ZNF821: variants seen among roughly 807,000 people sequenced by gnomAD.
ZNF821 encodes zinc finger protein 821.
ZNF821 carries 16 observed loss-of-function variants against 44.3 expected under a neutral mutation model. The observed-to-expected ratio is 0.36, with a 90% CI of 0.24 to 0.55. ZNF821 has a LOEUF of 0.55. ZNF821 is among the 20% of genes least tolerant of loss of function. The probability of loss-of-function intolerance (pLI) is 0.86; values close to 1 mark genes in which losing one functional copy is unlikely to be tolerated. For missense variants in ZNF821, 436 were observed against 547.6 expected (o/e 0.80, Z 2.03); for synonymous variants, 204 against 197.6 (o/e 1.03, Z -0.27).
Position 71,883,623 on chromosome 16 carries a change from CGCCGGGGCCCGA to C in ZNF821, c.-141+273_-141+284del, listed in dbSNP as rs1285986232. The C allele has an allele frequency of 1.2e-4, 18 of 152,424 alleles. 1 individual carries two copies. The highest frequency in any genetic ancestry group is 1.2e-3 in the Admixed American group (18 of 15,266). 9.4% of individuals were successfully genotyped at this position (152,424 alleles called of 1,614,324 possible). A position where few individuals can be genotyped will look rare whatever the true frequency, so the allele number is the denominator to read the frequency against. On this transcript the variant is annotated intron_variant, in intron 1 of 7. Transcript: ENST00000425432. ...GGCTGTCAGACGCCGGGGCCGTCCC[CGCCGGGGCCCGA>C]GGAGGCGGGGTGCCCGCGGCCCGCG... is the stretch of plus-strand genomic sequence containing the variant.
intron 1 of ZNF821, among the ~76,000 whole-genome samples, chr16:71,891,233 T>G (rs202181139): frequency 6.6e-6 from 1 of 152,236 alleles, no homozygotes; most frequent in Non-Finnish European, 1.5e-5. Flanking sequence ...CTACTAGTTA[T>G]AGTCATTTAC....
chr16:71,874,996 T>C lies in ZNF821; in HGVS notation c.40+4911A>G, dbSNP rs574703036. Among the ~76,000 whole-genome samples the C allele has an allele frequency of 3.9e-5, 6 of 152,348 alleles. No homozygotes were observed. In the South Asian group the frequency reaches 8.3e-4, roughly 21 times the overall value. ...CTAGCAAATCTCAGTTTTTCTTTTTTAGTCAAGCTTAGTGTATCACCTGAG... is the reference window on the plus strand; with the variant it reads ...CTAGCAAATCTCAGTTTTTCTTTTTCAGTCAAGCTTAGTGTATCACCTGAG... On this transcript the variant is annotated intron_variant, in intron 3 of 7. Coordinates refer to ENST00000425432, the MANE Select transcript of ZNF821 (RefSeq NM_001201552.2).
rs560349213 is a variant in ZNF821 at position 71,867,415 on chromosome 16, A to C, written c.166+497T>G. ...AAAAATATATATATCGGCCAGGTGCAGTGGCTCACGCCTATAATCCCAGCA... is the reference window on the plus strand; with the variant it reads ...AAAAATATATATATCGGCCAGGTGCCGTGGCTCACGCCTATAATCCCAGCA... On this transcript the variant is annotated intron_variant, in intron 4 of 7. Transcript: ENST00000425432. 8.0e-4 allele frequency among the ~76,000 whole-genome samples: 122 copies of C among 152,312 alleles called. 1 individual carries two copies. Among genetic ancestry groups the C allele is most frequent in the African/African-American group, 2.9e-3 (119 of 41,574 alleles).
At chr16:71,869,169 A>G (rs1204768934) in intron 3 of ZNF821, among the ~76,000 whole-genome samples, 2 of 152,220 alleles carry the variant, frequency 1.3e-5, no homozygotes, top group African/African-American at 4.8e-5. Context: ...AGTAGAAACT[A>G]CAGTCCTCAT....
chr16:71,880,663 T>C (rs114251484), intron 2 of ZNF821, among the ~76,000 whole-genome samples: 94 of 152,338 alleles, frequency 6.2e-4, no homozygotes, highest in African/African-American at 2.2e-3. Context: ...ATGTTGAAGA[T>C]GGGCTCTCAC....
chr16:71,860,116 T>G lies in ZNF821; in HGVS notation c.1141A>C (p.Met381Leu), dbSNP rs1454687901. The G allele has an allele frequency of 1.1e-5, 18 of 1,614,092 alleles. No individual in the cohort carries two copies. The highest frequency in any genetic ancestry group is 1.5e-5 in the Non-Finnish European group (18 of 1,180,044). ...PSAMAALAAE[M>L]NFFQLPVSGV... ...CTTACAGGCAGCTGGAAGAAGTTCA[T>G]TTCAGCTGCTAAGGCTGCCATGGCA... The change falls in exon 8 of 8, where the codon ATG (methionine) becomes CTG (leucine). Residue 381 changes from methionine (M) to leucine (L), a missense_variant. Coordinates refer to ENST00000425432, the MANE Select transcript of ZNF821 (RefSeq NM_001201552.2). The surrounding 1 kb of genome is among the most constrained non-coding windows in gnomAD (Gnocchi z 7.3).
chr16:71,860,228 G>A lies in ZNF821; in HGVS notation c.1029C>T (p.Leu343=), dbSNP rs756653004. 1.2e-6 allele frequency: 2 copies of A among 1,614,092 alleles called. No individual in the cohort carries two copies. Among genetic ancestry groups the A allele is most frequent in the Non-Finnish European group, 1.7e-6 (2 of 1,180,044 alleles). The change falls in exon 8 of 8, where the codon CTC becomes CTT. Residue 343 remains leucine, a synonymous_variant. Coordinates refer to ENST00000425432, the MANE Select transcript of ZNF821 (RefSeq NM_001201552.2). This position sits in a 1 kb window ranked among gnomAD's most constrained non-coding sequence, Gnocchi z 7.3. ...NETPEKRQAR[L]IREREAKRLK... is the part of the protein sequence containing the mutation. ...GCCGCTTGGCCTCTCGCTCTCGGAT[G>A]AGCCGGGCCTGCCGCTTTTCCGGGG...
At chr16:71,872,603 A>T (rs974582272) in intron 3 of ZNF821, among the ~76,000 whole-genome samples, 2 of 152,036 alleles carry the variant, frequency 1.3e-5, no homozygotes, top group African/African-American at 4.8e-5. Context: ...ACAGAGCGAG[A>T]CTCCGTCTCA....
At chr16:71,873,700 C>G (rs1420677116) in intron 3 of ZNF821, among the ~76,000 whole-genome samples, 2 of 152,124 alleles carry the variant, frequency 1.3e-5, no homozygotes, top group African/African-American at 2.4e-5. Flanking sequence ...GTCACCCAGG[C>G]TGGAGTGCAG....
intron 6 of ZNF821, among the ~76,000 whole-genome samples, chr16:71,863,421 T>TTA (rs1555500247): frequency 0.12 from 17,331 of 144,336 alleles, 1,482 homozygotes; most frequent in South Asian, 0.37. Flanking sequence ...TTTTTTTTTT[T>TTA]AATACAGTCT....
In ZNF821 at chr16:71,879,067, T is replaced by A. The variant is rs868368415; in HGVS notation, c.40+840A>T. ...AAATTGCTTCATAGTACCAAAACGCTGTATTCTAAATGTCACTCCCCTCTC... is the reference window on the plus strand; with the variant it reads ...AAATTGCTTCATAGTACCAAAACGCAGTATTCTAAATGTCACTCCCCTCTC... On this transcript the variant is annotated intron_variant, in intron 3 of 7. Coordinates refer to ENST00000425432, the MANE Select transcript of ZNF821 (RefSeq NM_001201552.2). Among the ~76,000 whole-genome samples the A allele has an allele frequency of 2.1e-4, 32 of 152,320 alleles. No individual in the cohort carries two copies. The Middle Eastern group carries it at 0.01, about 49-fold the overall frequency.
intron 6 of ZNF821, among the ~76,000 whole-genome samples, chr16:71,863,146 T>C (rs542956702): frequency 6.6e-6 from 1 of 152,290 alleles, no homozygotes; most frequent in East Asian, 1.9e-4. Context: ...TCCGCCCACC[T>C]TGGCCTCCCA....
intron 6 of ZNF821, among the ~76,000 whole-genome samples, chr16:71,862,492 A>AC (rs2034014781): frequency 6.6e-6 from 1 of 152,076 alleles, no homozygotes; most frequent in African/African-American, 2.4e-5. Context: ...AAACAAAACA[A>AC]AACAACAACA....
At chr16:71,864,564 GTGACACCT>G (rs1455712901) in intron 5 of ZNF821, among the ~76,000 whole-genome samples, 1 of 152,238 alleles carries the variant, frequency 6.6e-6, no homozygotes, top group East Asian at 1.9e-4. Context: ...GGCACTCCAG[GTGACACCT>G]TGACTTAGAT....
chr16:71,882,677 A>G (rs2142484328), intron 2 of ZNF821, among the ~76,000 whole-genome samples: 1 of 152,282 alleles, frequency 6.6e-6, no homozygotes, highest in Non-Finnish European at 1.5e-5. Flanking sequence ...CTCCCACACA[A>G]CGAAACGAAA....
chr16:71,860,360 C>G lies in ZNF821; in HGVS notation c.897G>C (p.Arg299Ser), dbSNP rs2033698062. The G allele has an allele frequency of 1.2e-6, 2 of 1,611,558 alleles. No homozygotes were observed. Reference sequence around the variant, plus strand: ...GCTGCAAGCGCTTGGCTTCACGGTCCCTCATGCGCCTCACCTCCCGCTCCT... The same window carrying G: ...GCTGCAAGCGCTTGGCTTCACGGTCGCTCATGCGCCTCACCTCCCGCTCCT... ...TPEEREVRRM[R>S]DREAKRLQRM... Residue 299 changes from arginine (R) to serine (S), a missense_variant, in exon 8 of 8, where the codon AGG becomes AGC. Arg to Ser is a moderately radical substitution (Grantham distance 110). This residue lies in a region of ZNF821 where 72 missense variants were observed against 133.3 expected (regional missense o/e 0.54). Transcript: ENST00000425432. This position sits in a 1 kb window ranked among gnomAD's most constrained non-coding sequence, Gnocchi z 7.3.
chr16:71,871,837 T>G (rs1391854957), intron 3 of ZNF821, among the ~76,000 whole-genome samples: 1 of 152,148 alleles, frequency 6.6e-6, no homozygotes, highest in African/African-American at 2.4e-5. Flanking sequence ...CTAAGGTTTT[T>G]TTTTTTTTTT....
chr16:71,861,037 G>A (rs2033817535), intron 7 of ZNF821, among the ~76,000 whole-genome samples: 1 of 152,018 alleles, frequency 6.6e-6, no homozygotes, highest in Admixed American at 6.5e-5. Flanking sequence ...TGTATTTTTA[G>A]TAGAGACGGG....
chr16:71,894,370 A>AG (rs1284267373), intron 1 of ZNF821: 1 of 152,186 alleles, frequency 6.6e-6, no homozygotes, highest in Admixed American at 6.6e-5. Context: ...CTCCTGCCTC[A>AG]GCCTCCGGAG....
Sources: allele counts gnomAD v4.1 joint callset (sites outside exome capture counted in the v4.1 genomes callset), GRCh38; gene constraint gnomAD v4.1.1; regional missense constraint gnomAD v4.1.1; non-coding constraint Gnocchi (gnomAD v3.1); transcripts MANE v1.5; gene names NCBI Gene and HGNC (gene_info 2026-07-23, HGNC 2026-07-21).